The following EBF1 variants were observed in gnomAD, a reference collection of about 807,000 sequenced individuals.
The protein encoded by EBF1 is transcription factor COE1.
A neutral mutation model predicts 68.4 loss-of-function variants in EBF1; 10 were observed. The observed-to-expected ratio is 0.15, with a 90% CI of 0.09 to 0.25. The LOEUF is 0.25. EBF1 is among the 10% of genes least tolerant of loss of function. EBF1 has a pLI of 1.00. For missense variants in EBF1, 509 were observed against 794.4 expected (o/e 0.64, Z 4.32); for synonymous variants, 298 against 299.8 (o/e 0.99, Z 0.06).
intron 6 of EBF1, among the ~76,000 whole-genome samples, chr5:158,892,454 A>T (rs1801366837): frequency 6.6e-6 from 1 of 152,170 alleles, no homozygotes; most frequent in Non-Finnish European, 1.5e-5. Flanking sequence ...GTGCTACTGC[A>T]TTCCATCCTG....
At position 158,696,295 on chromosome 5, in the gene EBF1, GAAGA is replaced by G. The variant is rs1282302421; in HGVS notation, c.*2812_*2815del. On this transcript the variant is annotated 3_prime_UTR_variant, in exon 16 of 16. Coordinates refer to ENST00000313708, the MANE Select transcript of EBF1 (RefSeq NM_024007.5). ...CTTTTATTTGTAAAACTTTTGTGGA[GAAGA>G]AAGAGGATCAGAGGGCCAGAATGTC... The G allele has an allele frequency of 4.5e-6, 1 of 220,056 alleles. No homozygotes were observed. The highest frequency in any genetic ancestry group is 1.8e-4 in the South Asian group (1 of 5,434). 13.6% of individuals were successfully genotyped at this position (220,056 alleles called of 1,614,324 possible). A position where few individuals can be genotyped will look rare whatever the true frequency, so the allele number is the denominator to read the frequency against.
chr5:159,032,495 T>C (rs563101681), intron 6 of EBF1, among the ~76,000 whole-genome samples: 2 of 152,342 alleles, frequency 1.3e-5, no homozygotes, highest in Admixed American at 6.5e-5. Flanking sequence ...TACATAAAGC[T>C]GCATAAAACC....
intron 6 of EBF1, among the ~76,000 whole-genome samples, chr5:158,931,643 T>G (rs1050838370): frequency 5.3e-5 from 8 of 152,220 alleles, no homozygotes; most frequent in African/African-American, 1.7e-4. Flanking sequence ...AAACAGTCAC[T>G]TGCTTTTTAT....
intron 6 of EBF1, among the ~76,000 whole-genome samples, chr5:158,881,326 C>A (rs1798859804): frequency 1.3e-5 from 2 of 152,160 alleles, no homozygotes; most frequent in South Asian, 4.1e-4. Context: ...ATGTGAACTG[C>A]CCCAAGCTAC....
chr5:158,909,660 C>T (rs981713607), intron 6 of EBF1, among the ~76,000 whole-genome samples: 4 of 152,016 alleles, frequency 2.6e-5, no homozygotes, highest in East Asian at 1.9e-4. Flanking sequence ...GAGGGGAGGC[C>T]GGGTGCGGTG....
chr5:158,991,981 C>A (rs1033015642), intron 6 of EBF1, among the ~76,000 whole-genome samples: 1 of 152,170 alleles, frequency 6.6e-6, no homozygotes, highest in African/African-American at 2.4e-5. Context: ...AAGACTCAGT[C>A]TCCTCCTCTA....
intron 6 of EBF1, among the ~76,000 whole-genome samples, chr5:159,051,797 G>A: frequency 6.6e-6 from 1 of 152,148 alleles, no homozygotes; most frequent in East Asian, 1.9e-4. Context: ...CACAATCGCA[G>A]CCAGCAGTTT....
At chr5:158,771,499 T>C (rs1030833748) in intron 10 of EBF1, among the ~76,000 whole-genome samples, 15 of 152,230 alleles carry the variant, frequency 9.9e-5, no homozygotes, top group African/African-American at 3.6e-4. Context: ...TGAAGACCCA[T>C]TGATCCTGGG....
chr5:158,708,747 G>T (rs1758463506), intron 14 of EBF1, among the ~76,000 whole-genome samples: 1 of 152,170 alleles, frequency 6.6e-6, no homozygotes, highest in Non-Finnish European at 1.5e-5. Flanking sequence ...CTGGGGTAGG[G>T]GGAACAGGAA....
chr5:158,757,558 C>A (rs779676590), intron 10 of EBF1, among the ~76,000 whole-genome samples: 10 of 152,126 alleles, frequency 6.6e-5, no homozygotes, highest in African/African-American at 1.7e-4. Flanking sequence ...GGGCACAGTG[C>A]AACATTTCCA....
At chr5:158,744,462 T>C (rs747278546) in intron 10 of EBF1, among the ~76,000 whole-genome samples, 5 of 152,058 alleles carry the variant, frequency 3.3e-5, no homozygotes, top group African/African-American at 7.2e-5. Flanking sequence ...TGAGGAGAAG[T>C]TGTAAATGTA....
intron 11 of EBF1, among the ~76,000 whole-genome samples, chr5:158,720,798 A>T (rs58979455): frequency 0.15 from 23,155 of 152,130 alleles, 1,871 homozygotes; most frequent in African/African-American, 0.17. Context: ...GGAAAGGAGG[A>T]ACATAAATGA....
intron 6 of EBF1, among the ~76,000 whole-genome samples, chr5:159,044,585 T>C (rs1375413182): frequency 6.6e-6 from 1 of 152,142 alleles, no homozygotes; most frequent in Non-Finnish European, 1.5e-5. Context: ...AGGCAGAAAA[T>C]ACATGTGGAG....
chr5:158,988,515 C>G (rs1759601514), intron 6 of EBF1, among the ~76,000 whole-genome samples: 1 of 152,208 alleles, frequency 6.6e-6, no homozygotes, highest in African/African-American at 2.4e-5. Flanking sequence ...CAATAAATCC[C>G]TTTCCATTTG....
intron 6 of EBF1, chr5:158,982,981 C>T (rs933091554): frequency 6.6e-6 from 1 of 152,178 alleles, no homozygotes; most frequent in African/African-American, 2.4e-5. Context: ...GGATCTGCCG[C>T]CCCTGGCACC....
chr5:159,050,007 G>A (rs879904980), intron 6 of EBF1, among the ~76,000 whole-genome samples: 4 of 152,002 alleles, frequency 2.6e-5, no homozygotes, highest in East Asian at 1.9e-4. Flanking sequence ...TTAATTTCAC[G>A]GCATTAAAAA....
intron 6 of EBF1, among the ~76,000 whole-genome samples, chr5:159,053,603 T>TCTCA (rs1162442960): frequency 6.9e-6 from 1 of 145,252 alleles, no homozygotes; most frequent in Non-Finnish European, 1.5e-5. Flanking sequence ...TCTCTCTCTC[T>TCTCA]CTCACACACA....
chr5:158,921,569 T>A (rs1354935523), intron 6 of EBF1, among the ~76,000 whole-genome samples: 1 of 152,122 alleles, frequency 6.6e-6, no homozygotes, highest in African/African-American at 2.4e-5. Flanking sequence ...CACAAATGAG[T>A]CATTTGTATC....
At chr5:158,726,401 C>T (rs531249606) in intron 11 of EBF1, among the ~76,000 whole-genome samples, 4 of 152,188 alleles carry the variant, frequency 2.6e-5, no homozygotes, top group Non-Finnish European at 5.9e-5. Context: ...GCTGAAAAAT[C>T]ACACAACCAA....
Sources: allele counts gnomAD v4.1 joint callset (sites outside exome capture counted in the v4.1 genomes callset), GRCh38; gene constraint gnomAD v4.1.1; transcripts MANE v1.5; gene names NCBI Gene and HGNC (gene_info 2026-07-23, HGNC 2026-07-21).